The following ECE1 variants were observed in gnomAD, a reference collection of about 807,000 sequenced individuals.
ECE1 encodes endothelin converting enzyme 1, also known as endothelin-converting enzyme 1.
ECE1 carries 35 observed loss-of-function variants against 98.6 expected under a neutral mutation model. The ratio of observed to expected loss-of-function variants is 0.35; its 90% CI spans 0.27 to 0.47. The LOEUF (loss-of-function observed/expected upper bound fraction) is 0.47. Ranked by LOEUF, ECE1 falls within the 20% of genes least tolerant of loss-of-function variation. The pLI is 1.00. For synonymous variants in ECE1, 394 were observed against 407.1 expected (o/e 0.97, Z 0.39); for missense variants, 814 against 1,025.3 (o/e 0.79, Z 2.81).
At chr1:21,229,332 C>T (rs1452519957) in intron 14 of ECE1, among the ~76,000 whole-genome samples, 1 of 151,878 alleles carries the variant, frequency 6.6e-6, no homozygotes, top group African/African-American at 2.4e-5. Flanking sequence ...TACAAGCACT[C>T]GTGACCATGC....
intron 10 of ECE1, among the ~76,000 whole-genome samples, chr1:21,238,885 G>A (rs896661692): frequency 4.0e-5 from 6 of 151,838 alleles, no homozygotes; most frequent in Non-Finnish European, 7.4e-5. Flanking sequence ...CGATCACACA[G>A]CTCACTGCAG....
chr1:21,264,199 G>A (rs1033838026), intron 4 of ECE1, among the ~76,000 whole-genome samples: 6 of 152,024 alleles, frequency 3.9e-5, no homozygotes, highest in East Asian at 1.9e-4. Flanking sequence ...CCAGACACTC[G>A]AAGTTTGAGG....
chr1:21,243,398 A>AT (rs1005661157), intron 10 of ECE1, among the ~76,000 whole-genome samples: 10 of 113,338 alleles, frequency 8.8e-5, no homozygotes, highest in African/African-American at 4.8e-4. Context: ...ACATAAATAT[A>AT]TTAAAAAAAA....
chr1:21,270,026 C>G (rs1199865394), intron 4 of ECE1, among the ~76,000 whole-genome samples: 1 of 152,196 alleles, frequency 6.6e-6, no homozygotes, highest in Non-Finnish European at 1.5e-5. Context: ...CAGTGAGAAC[C>G]AGCCCCAGAA....
chr1:21,345,181 C>T lies in ECE1; in HGVS notation c.3+195G>A. On this transcript the variant is annotated intron_variant, in intron 1 of 18. Transcript: ENST00000415912. The surrounding 1 kb of genome is among the most constrained non-coding windows in gnomAD (Gnocchi z 5.1). ...CCGCCCCCGACGGGACCAAGCGCAGCGCCGCCGGGAGAGCCGCGCTCTGCC... is the reference window on the plus strand; with the variant it reads ...CCGCCCCCGACGGGACCAAGCGCAGTGCCGCCGGGAGAGCCGCGCTCTGCC... The T allele has an allele frequency of 2.8e-6, 2 of 703,490 alleles. No individual in the cohort carries two copies. The highest frequency in any genetic ancestry group is 5.9e-5 in the East Asian group (1 of 17,042). The allele number at this position is 703,490 out of a possible 1,614,324, so 43.6% of individuals were successfully genotyped here. A position where few individuals can be genotyped will look rare whatever the true frequency, so the allele number is the denominator to read the frequency against.
intron 9 of ECE1, among the ~76,000 whole-genome samples, 188 bp from the exon 10 acceptor site, chr1:21,245,291 G>A (rs529404345): frequency 1.3e-5 from 2 of 152,204 alleles, no homozygotes; most frequent in Non-Finnish European, 2.9e-5. Flanking sequence ...GGAAAAGCCT[G>A]GGTCTTCTAC....
At chr1:21,326,716 AG>A (rs1196121645) in intron 1 of ECE1, among the ~76,000 whole-genome samples, 2 of 152,128 alleles carry the variant, frequency 1.3e-5, no homozygotes, top group Non-Finnish European at 2.9e-5. Context: ...CAGAGGTCTT[AG>A]GTGCCAACTG....
chr1:21,288,533 G>T (rs1028609985), intron 2 of ECE1, among the ~76,000 whole-genome samples: 1 of 152,186 alleles, frequency 6.6e-6, no homozygotes, highest in African/African-American at 2.4e-5. Context: ...TATTTCATCT[G>T]AAAAAGGTTA....
Position 21,219,951 on chromosome 1 carries a change from G to T in ECE1, c.*4C>A. On this transcript the variant is annotated 3_prime_UTR_variant, in exon 19 of 19. Transcript: ENST00000374893. The surrounding 1 kb of genome is among the most constrained non-coding windows in gnomAD (Gnocchi z 4.5). ...CCTCCGTCTTGGCTCTCTCCGCTTC[G>T]TCCTTACCAGACTTCGCACTTGTGA... The T allele has an allele frequency of 1.2e-6, 2 of 1,614,150 alleles. No homozygotes were observed. The highest frequency in any genetic ancestry group is 1.1e-5 in the South Asian group (1 of 91,082).
At chr1:21,226,916 G>T (rs888453661) in intron 16 of ECE1, among the ~76,000 whole-genome samples, 1 of 152,048 alleles carries the variant, frequency 6.6e-6, no homozygotes. Flanking sequence ...AGTAGACAGG[G>T]TTTCGCCATG....
chr1:21,279,503 G>A, intron 2 of ECE1, 171 bp from the exon 3 acceptor site: 1 of 1,488,486 alleles, frequency 6.7e-7, no homozygotes, highest in Non-Finnish European at 9.0e-7. Context: ...GAAAGGAACA[G>A]CCACCCTGCT....
At chr1:21,342,608 AC>A (rs1236668519) in intron 1 of ECE1, among the ~76,000 whole-genome samples, 1 of 8,410 alleles carries the variant, frequency 1.2e-4, no homozygotes, top group Admixed American at 1.5e-3. Flanking sequence ...ACACACAGAT[AC>A]ACACACACAC....
At chr1:21,253,948 A>G (rs553566424) in intron 8 of ECE1, among the ~76,000 whole-genome samples, 1 of 151,822 alleles carries the variant, frequency 6.6e-6, no homozygotes, top group Non-Finnish European at 1.5e-5. Flanking sequence ...GCCTGCCTGT[A>G]ATTCCAGCTA....
At chr1:21,276,142 C>T (rs12749409) in intron 3 of ECE1, among the ~76,000 whole-genome samples, 11,823 of 150,542 alleles carry the variant, frequency 0.079, 625 homozygotes, top group Middle Eastern at 0.14. Flanking sequence ...TCTCCTGCCT[C>T]AGCCTCCTGA....
intron 14 of ECE1, among the ~76,000 whole-genome samples, chr1:21,229,705 G>GC (rs2098179298): frequency 6.6e-6 from 1 of 152,170 alleles, no homozygotes; most frequent in Non-Finnish European, 1.5e-5. Context: ...ATTAACAAAT[G>GC]TGGATTTTTT....
chr1:21,297,521 T>C (rs1296565833), intron 1 of ECE1, among the ~76,000 whole-genome samples: 2 of 125,932 alleles, frequency 1.6e-5, no homozygotes, highest in African/African-American at 7.1e-5. Flanking sequence ...AACTTTCTTT[T>C]TTCTTTTTCT....
rs376194169 is a variant in ECE1, at chr1:21,222,938, T to C, written c.2041-1096A>G. Among the ~76,000 whole-genome samples the C allele has an allele frequency of 1.9e-4, 28 of 151,186 alleles. 1 individual carries two copies. Among genetic ancestry groups the C allele is most frequent in the African/African-American group, 6.8e-4 (28 of 41,240 alleles). On this transcript the variant is annotated intron_variant, in intron 17 of 18. Transcript: ENST00000374893. ...TCATTTACAAAAACAGCCTCACAGC[T>C]AGATTCGGCCCATGGGCTGTAGGTG... is the stretch of plus-strand genomic sequence containing the variant.
intron 8 of ECE1, 80 bp downstream of exon 8, chr1:21,255,866 AG>A: frequency 7.1e-7 from 1 of 1,415,750 alleles, no homozygotes; most frequent in Non-Finnish European, 9.9e-7. Flanking sequence ...AGATGAAATG[AG>A]TATAAAAGCC....
intron 14 of ECE1, among the ~76,000 whole-genome samples, chr1:21,230,013 G>C (rs1440034929): frequency 6.6e-6 from 1 of 151,930 alleles, no homozygotes; most frequent in Non-Finnish European, 1.5e-5. Flanking sequence ...TCCGGCCCCG[G>C]TGACATGGTG....
Sources: gnomAD v4.1 joint callset for allele counts (sites outside exome capture counted in the v4.1 genomes callset) on GRCh38, gnomAD v4.1.1 for gene constraint, Gnocchi (gnomAD v3.1) non-coding constraint, MANE v1.5 for transcripts, NCBI Gene and HGNC (gene_info 2026-07-23, HGNC 2026-07-21) for gene names.